Variants in SLA observed in about 807,000 individuals in gnomAD.
The protein encoded by SLA is src-like-adapter.
A neutral mutation model predicts 30.3 loss-of-function variants in SLA; 16 were observed. The ratio of observed to expected loss-of-function variants is 0.53; its 90% CI spans 0.36 to 0.80. The LOEUF is 0.80. Ranked by LOEUF, SLA falls within the 30% of genes least tolerant of loss-of-function variation. The probability of loss-of-function intolerance (pLI) is 0.01; values close to 1 mark genes in which losing one functional copy is unlikely to be tolerated. For synonymous variants in SLA, 143 were observed against 137.8 expected (o/e 1.04, Z -0.26); for missense variants, 310 against 345.2 (o/e 0.90, Z 0.81).
At chr8:133,043,040 T>C (rs1838613150) in intron 7 of SLA, among the ~76,000 whole-genome samples, 1 of 152,178 alleles carries the variant, frequency 6.6e-6, no homozygotes, top group Non-Finnish European at 1.5e-5. Context: ...AGTGGCCATG[T>C]GGCTCCCACT....
intron 7 of SLA, 41 bp from the exon 8 acceptor site, chr8:133,040,171 C>A: frequency 1.9e-6 from 3 of 1,560,306 alleles, no homozygotes; most frequent in African/African-American, 1.4e-5. Flanking sequence ...ACCCTGGGGA[C>A]GCCTCAGCCA....
intron 1 of SLA, among the ~76,000 whole-genome samples, chr8:133,097,326 T>A (rs890577217): frequency 1.3e-5 from 2 of 152,264 alleles, no homozygotes; most frequent in Non-Finnish European, 2.9e-5. Context: ...CAGTTTTACA[T>A]GATATATATA....
chr8:133,038,947 T>C (rs922117745), intron 8 of SLA, among the ~76,000 whole-genome samples: 1 of 152,154 alleles, frequency 6.6e-6, no homozygotes, highest in South Asian at 2.1e-4. Flanking sequence ...GTGCAATCTC[T>C]GCTCACTGCA....
chr8:133,042,405 A>T (rs1023152970), intron 7 of SLA, among the ~76,000 whole-genome samples: 2 of 152,102 alleles, frequency 1.3e-5, no homozygotes, highest in Non-Finnish European at 2.9e-5. Context: ...ATATTTTAGA[A>T]TTCATGTATG....
At chr8:133,082,273 CTGTT>C (rs1308787130) in intron 1 of SLA, among the ~76,000 whole-genome samples, 1 of 152,140 alleles carries the variant, frequency 6.6e-6, no homozygotes, top group East Asian at 1.9e-4. Context: ...AGGAGTGTAT[CTGTT>C]TGGCCAGTTA....
intron 1 of SLA, among the ~76,000 whole-genome samples, chr8:133,089,785 G>A (rs1847205176): frequency 6.6e-6 from 1 of 152,020 alleles, no homozygotes; most frequent in Admixed American, 6.6e-5. Context: ...AACTCCCTTG[G>A]GTAATCAGCC....
At chr8:133,071,181 G>A (rs1253961956) in intron 2 of SLA, among the ~76,000 whole-genome samples, 1 of 152,228 alleles carries the variant, frequency 6.6e-6, no homozygotes, top group Non-Finnish European at 1.5e-5. Flanking sequence ...TTGAGGAATT[G>A]TGTGTCCTAG....
intron 1 of SLA, among the ~76,000 whole-genome samples, chr8:133,092,077 T>C (rs1847640567): frequency 6.6e-6 from 1 of 152,188 alleles, no homozygotes; most frequent in Admixed American, 6.5e-5. Flanking sequence ...TGTTGTGTGA[T>C]TTCCAGCCAG....
At chr8:133,049,315 TG>T (rs1840004465) in intron 5 of SLA, 5 of 372,900 alleles carry the variant, frequency 1.3e-5, no homozygotes, top group Non-Finnish European at 2.1e-5. Flanking sequence ...TGTGTGTTTC[TG>T]GATAGGTATT....
Position 133,050,893 on chromosome 8 carries a change from G to A in SLA, c.84C>T (p.Ala28=), listed in dbSNP as rs147518846. The change falls in exon 4 of 9, where the codon GCC becomes GCT. Residue 28 remains alanine, a synonymous_variant. Coordinates refer to ENST00000338087, the MANE Select transcript of SLA (RefSeq NM_001045556.3). ...NPEGLDSDFL[A]VLSDYPSPDI... ...CAGGAGACGGGTAGTCACTTAGCAC[G>A]GCAAGGAAGTCGCTATCCAGTCCTG... is the stretch of plus-strand genomic sequence containing the variant. 4.6e-5 allele frequency: 74 copies of A among 1,613,294 alleles called. No individual in the cohort carries two copies. The Admixed American group carries it at 6.2e-4, about 13-fold the overall frequency.
chr8:133,083,586 G>A (rs536124562), intron 1 of SLA, among the ~76,000 whole-genome samples: 16 of 152,252 alleles, frequency 1.1e-4, no homozygotes, highest in Non-Finnish European at 1.9e-4. Context: ...TTTTACAGAT[G>A]AGGAAATGGA....
At chr8:133,050,730 C>T (rs1432225735) in intron 4 of SLA, 86 bp downstream of exon 4, 10 of 870,146 alleles carry the variant, frequency 1.1e-5, no homozygotes, top group Non-Finnish European at 1.9e-5. Context: ...GGAACTAGAC[C>T]ACTCTAGCTA....
intron 4 of SLA, chr8:133,050,594 G>A (rs1840218647): frequency 6.3e-6 from 3 of 478,170 alleles, no homozygotes; most frequent in South Asian, 3.1e-5. Context: ...GCCAAGTTAA[G>A]GAATTTAAAT....
At chr8:133,075,922 C>T (rs1844790367) in intron 1 of SLA, 2 of 152,022 alleles carry the variant, frequency 1.3e-5, no homozygotes, top group Admixed American at 6.5e-5. Flanking sequence ...TGTTAAAATA[C>T]GTGTGTCTTT....
At chr8:133,057,774 C>CAAAA (rs5895173) in intron 3 of SLA, among the ~76,000 whole-genome samples, 1 of 142,020 alleles carries the variant, frequency 7.0e-6, no homozygotes, top group Non-Finnish European at 1.5e-5. Context: ...AAACAAAAAA[C>CAAAA]AAAAAAAAAA....
intron 3 of SLA, among the ~76,000 whole-genome samples, chr8:133,057,816 C>A (rs10087449): frequency 0.3 from 44,879 of 151,244 alleles, 6,859 homozygotes; most frequent in African/African-American, 0.35. Context: ...AAGCCATGTT[C>A]CAAGGCATTC....
chr8:133,077,815 G>C (rs989923235), intron 1 of SLA, among the ~76,000 whole-genome samples: 2 of 151,908 alleles, frequency 1.3e-5, no homozygotes, highest in Non-Finnish European at 2.9e-5. Context: ...CTGTGCATTG[G>C]AGGATGTGCC....
At chr8:133,039,142 G>A (rs529724874) in intron 8 of SLA, among the ~76,000 whole-genome samples, 9 of 152,204 alleles carry the variant, frequency 5.9e-5, no homozygotes, top group African/African-American at 2.2e-4. Context: ...GCCTCCCAAA[G>A]TGCTGGGGTT....
chr8:133,066,890 C>T (rs1269765357), intron 2 of SLA, among the ~76,000 whole-genome samples: 3 of 152,184 alleles, frequency 2.0e-5, no homozygotes, highest in African/African-American at 2.4e-5. Flanking sequence ...GGTTGGCTAA[C>T]TCACTGTGCA....
Sources: allele counts gnomAD v4.1 joint callset (sites outside exome capture counted in the v4.1 genomes callset), GRCh38; gene constraint gnomAD v4.1.1; transcripts MANE v1.5; gene names NCBI Gene and HGNC (gene_info 2026-07-23, HGNC 2026-07-21).